Variants in PRKDC observed in about 807,000 individuals in gnomAD.
PRKDC encodes the protein DNA-dependent protein kinase catalytic subunit.
A neutral mutation model predicts 486.9 loss-of-function variants in PRKDC; 82 were observed. That is an observed-to-expected ratio of 0.17 (90% CI 0.14 to 0.20). PRKDC has a LOEUF of 0.20. Among genes scored for constraint, PRKDC ranks in the 10% least tolerant of loss-of-function variants. PRKDC has a pLI of 1.00. For synonymous variants in PRKDC, 1,895 were observed against 1,837.0 expected (o/e 1.03, Z -0.81); for missense variants, 4,504 against 5,038.2 (o/e 0.89, Z 3.21).
At chr8:47,886,412 C>T (rs549547890) in intron 35 of PRKDC, among the ~76,000 whole-genome samples, 1 of 152,284 alleles carries the variant, frequency 6.6e-6, no homozygotes, top group Non-Finnish European at 1.5e-5. Flanking sequence ...TTTTTTGAGA[C>T]AGGGTCTCGC....
intron 10 of PRKDC, 95 bp from the exon 11 acceptor site, chr8:47,939,792 T>C (rs1390021517): frequency 1.3e-5 from 14 of 1,090,090 alleles, no homozygotes; most frequent in Non-Finnish European, 1.8e-5. Context: ...ATGCTACTAA[T>C]GTACTGTTAT....
chr8:47,833,244 G>T (rs1021629479), intron 59 of PRKDC, among the ~76,000 whole-genome samples: 4 of 152,344 alleles, frequency 2.6e-5, no homozygotes, highest in Admixed American at 2.0e-4. Context: ...GTGGAGTAAA[G>T]CAAGTTTTGT....
intron 74 of PRKDC, among the ~76,000 whole-genome samples, chr8:47,793,155 A>G (rs1382050712): frequency 6.6e-6 from 1 of 152,226 alleles, no homozygotes; most frequent in Non-Finnish European, 1.5e-5. Flanking sequence ...AGTAGTTGGT[A>G]TTATAGGCAC....
chr8:47,956,781 C>T (rs1256852195), intron 3 of PRKDC, among the ~76,000 whole-genome samples: 1 of 148,370 alleles, frequency 6.7e-6, no homozygotes, highest in Non-Finnish European at 1.5e-5. Context: ...GAGTTTTGCT[C>T]TTGTCGCCCA....
At chr8:47,949,030 C>G (rs2090583872) in intron 7 of PRKDC, among the ~76,000 whole-genome samples, 1 of 152,244 alleles carries the variant, frequency 6.6e-6, no homozygotes, top group Non-Finnish European at 1.5e-5. Context: ...AAGGCATCAG[C>G]AGGGCTGTGC....
At chr8:47,904,571 A>C (rs1323459934) in intron 26 of PRKDC, among the ~76,000 whole-genome samples, 1 of 152,206 alleles carries the variant, frequency 6.6e-6, no homozygotes, top group African/African-American at 2.4e-5. Flanking sequence ...AGGTGGGCGG[A>C]TCACTTGAGG....
chr8:47,793,839 G>T (rs533869486), intron 74 of PRKDC, among the ~76,000 whole-genome samples: 1 of 152,214 alleles, frequency 6.6e-6, no homozygotes, highest in South Asian at 2.1e-4. Flanking sequence ...TACACAGTTT[G>T]TGTACAAAGC....
intron 85 of PRKDC, 101 bp downstream of exon 85, chr8:47,776,743 A>G (rs2086614633): frequency 7.0e-7 from 1 of 1,426,934 alleles, no homozygotes. Context: ...AGTCATGCTA[A>G]CAGAGTGTCA....
At chr8:47,867,452 T>C (rs2154500893) in intron 40 of PRKDC, among the ~76,000 whole-genome samples, 1 of 152,346 alleles carries the variant, frequency 6.6e-6, no homozygotes, top group Non-Finnish European at 1.5e-5. Context: ...CATCAAATGA[T>C]TTTGGAACAC....
At chr8:47,813,922 G>A (rs981093802) in intron 68 of PRKDC, among the ~76,000 whole-genome samples, 5 of 152,068 alleles carry the variant, frequency 3.3e-5, no homozygotes, top group African/African-American at 1.2e-4. Flanking sequence ...CTCATCTTAT[G>A]AGGCCATGAT....
chr8:47,811,305 C>T lies in PRKDC; in HGVS notation c.9558-3979G>A, dbSNP rs533503077. 7.2e-5 allele frequency among the ~76,000 whole-genome samples: 11 copies of T among 152,286 alleles called. No homozygotes were observed. The South Asian group carries it at 2.3e-3, about 32-fold the overall frequency. On this transcript the variant is annotated intron_variant, in intron 68 of 85. Coordinates refer to ENST00000314191, the MANE Select transcript of PRKDC (RefSeq NM_006904.7). ...GGAGAATCTACCCAGATTATACATT[C>T]TGAGAAAGTGTCCTTCAGGAATGAC...
At chr8:47,915,004 A>G (rs530325098) in intron 23 of PRKDC, among the ~76,000 whole-genome samples, 9 of 152,260 alleles carry the variant, frequency 5.9e-5, no homozygotes, top group Admixed American at 3.3e-4. Flanking sequence ...TAAAAATATC[A>G]TAATATTAAC....
chr8:47,894,554 C>G (rs1357287197), intron 30 of PRKDC, among the ~76,000 whole-genome samples: 1 of 152,116 alleles, frequency 6.6e-6, no homozygotes, highest in Non-Finnish European at 1.5e-5. Context: ...CCTGCCCAGC[C>G]CTACTTCTTC....
chr8:47,791,650 C>CA (rs2086885884), intron 74 of PRKDC, among the ~76,000 whole-genome samples: 1 of 152,102 alleles, frequency 6.6e-6, no homozygotes, highest in Admixed American at 6.6e-5. Context: ...CAATGAACAT[C>CA]AGAGAAATGC....
intron 31 of PRKDC, 29 bp downstream of exon 31, chr8:47,893,110 C>A (rs376890448): frequency 1.3e-6 from 2 of 1,543,398 alleles, no homozygotes; most frequent in Non-Finnish European, 1.8e-6. Context: ...CAGCACGACA[C>A]ACACCAGAAT....
chr8:47,915,318 A>G lies in PRKDC; in HGVS notation c.2617+10T>C. The G allele has an allele frequency of 2.0e-6, 3 of 1,469,274 alleles. No individual in the cohort carries two copies. The highest frequency in any genetic ancestry group is 2.5e-5 in the South Asian group (2 of 79,778). 91.0% of individuals were successfully genotyped at this position (1,469,274 alleles called of 1,614,324 possible). Reference sequence around the variant, plus strand: ...ATCTACAGAGGTTATTTATTTTAAAAGAAGTTTACCTGTCAGAAGATTTTT... The same window carrying G: ...ATCTACAGAGGTTATTTATTTTAAAGGAAGTTTACCTGTCAGAAGATTTTT... On this transcript the variant is annotated intron_variant, in intron 23 of 85. Transcript: ENST00000314191.
At position 47,864,582 on chromosome 8, in the gene PRKDC, C is replaced by T. The variant is rs2088760868; in HGVS notation, c.5545G>A (p.Asp1849Asn). ...FFSTIVVDAIDVLKSRFTKLN... is the reference protein window; with the variant it reads ...FFSTIVVDAINVLKSRFTKLN... ...TTTGTAAACCTGGACTTCAACACAT[C>T]AATGGCATCCACCACAATTGTGCTG... Residue 1849 changes from aspartate (D) to asparagine (N), a missense_variant, in exon 41 of 86, where the codon GAT (aspartate) becomes AAT (asparagine). Transcript: ENST00000314191. 1.9e-6 allele frequency: 3 copies of T among 1,609,568 alleles called. No homozygotes were observed. The highest frequency in any genetic ancestry group is 2.5e-6 in the Non-Finnish European group (3 of 1,178,428).
rs753915221 is a variant in PRKDC at position 47,912,458 on chromosome 8, A to G, written c.2886T>C (p.Tyr962=). Residue 962 remains tyrosine, a synonymous_variant, in exon 25 of 86, where the codon TAT becomes TAC. Transcript: ENST00000314191. ...GQGAPPMYQL[Y]KRTFPVLLRL... is the part of the protein sequence containing the mutation. The stretch of plus-strand genomic sequence containing the variant: ...GAAGCAGCACAGGAAACGTCCGCTT[A>G]TAGAGCTGGTACATGGGTGGGGCTC... 1.9e-6 allele frequency: 3 copies of G among 1,611,316 alleles called. No homozygotes were observed. The highest frequency in any genetic ancestry group is 2.2e-5 in the South Asian group (2 of 90,606).
intron 83 of PRKDC, 35 bp from the exon 84 acceptor site, chr8:47,777,909 A>G: frequency 6.3e-7 from 1 of 1,590,154 alleles, no homozygotes; most frequent in Non-Finnish European, 8.6e-7. Context: ...CAGAATATGT[A>G]AGCCAGAACT....
Sources: gnomAD v4.1 joint callset for allele counts (sites outside exome capture counted in the v4.1 genomes callset) on GRCh38, gnomAD v4.1.1 for gene constraint, MANE v1.5 for transcripts, NCBI Gene and HGNC (gene_info 2026-07-23, HGNC 2026-07-21) for gene names.